KIRREL3: variants seen among roughly 807,000 people sequenced by gnomAD.
KIRREL3 encodes the protein kirre like nephrin family adhesion molecule 3, also known as kin of IRRE-like protein 3.
A neutral mutation model predicts 89.7 loss-of-function variants in KIRREL3; 36 were observed. The ratio of observed to expected loss-of-function variants is 0.40; its 90% CI spans 0.31 to 0.53. The LOEUF is 0.53. Among genes scored for constraint, KIRREL3 ranks in the 20% least tolerant of loss-of-function variants. KIRREL3 has a pLI of 0.49. For missense variants in KIRREL3, 864 were observed against 1,056.6 expected, an observed-to-expected ratio of 0.82 and a Z score of 2.53; for synonymous variants, 445 against 441.4, an observed-to-expected ratio of 1.01 and a Z score of -0.10.
At position 126,763,468 on chromosome 11, in the gene KIRREL3, AG is replaced by A. The variant is rs1366130602; in HGVS notation, c.56-200557del. 6.6e-6 allele frequency among the ~76,000 whole-genome samples: 1 copy of A among 152,140 alleles called. No individual in the cohort carries two copies. Among genetic ancestry groups the A allele is most frequent in the Non-Finnish European group, 1.5e-5 (1 of 68,008 alleles). ...ATGCAGTGGGTGGGAGGTGTTAAAA[AG>A]GGGACTGATGGTGGGGTCCTTCTTT... On this transcript the variant is annotated intron_variant, in intron 1 of 16. Transcript: ENST00000525144. This position sits in a 1 kb window ranked among gnomAD's most constrained non-coding sequence, Gnocchi z 4.7.
At chr11:126,933,178 T>G (rs1350847984) in intron 1 of KIRREL3, among the ~76,000 whole-genome samples, 1 of 152,178 alleles carries the variant, frequency 6.6e-6, no homozygotes, top group East Asian at 1.9e-4. Context: ...GGAAAAATGC[T>G]GTGCAATTCA....
At chr11:126,966,440 A>G (rs1352770303) in intron 1 of KIRREL3, among the ~76,000 whole-genome samples, 1 of 152,170 alleles carries the variant, frequency 6.6e-6, no homozygotes, top group Non-Finnish European at 1.5e-5. Context: ...TGCACCACTC[A>G]AGCTGTCAGT....
At chr11:126,839,515 C>A (rs1339667238) in intron 1 of KIRREL3, among the ~76,000 whole-genome samples, 1 of 152,110 alleles carries the variant, frequency 6.6e-6, no homozygotes, top group Non-Finnish European at 1.5e-5. Flanking sequence ...GACTCCTGAT[C>A]AGGGAGGAGA....
intron 4 of KIRREL3, among the ~76,000 whole-genome samples, chr11:126,499,737 T>C (rs1486440993): frequency 6.6e-6 from 1 of 152,252 alleles, no homozygotes; most frequent in Admixed American, 6.5e-5. Context: ...CTACCCATTC[T>C]ACCAAGGGAG....
chr11:126,985,655 T>C lies in KIRREL3; in HGVS notation c.55+14800A>G, dbSNP rs1949844968. 6.6e-6 allele frequency among the ~76,000 whole-genome samples: 1 copy of C among 151,942 alleles called. No individual in the cohort carries two copies. Among genetic ancestry groups the C allele is most frequent in the African/African-American group, 2.4e-5 (1 of 41,362 alleles). On this transcript the variant is annotated intron_variant, in intron 1 of 16. Coordinates refer to ENST00000525144, the MANE Select transcript of KIRREL3 (RefSeq NM_032531.4). This position sits in a 1 kb window ranked among gnomAD's most constrained non-coding sequence, Gnocchi z 5.3. ...CATTCGGACAATGTCAGCGGCTCCGTGTGTTGGAGTAAAGGGGCATATGAG... is the reference window on the plus strand; with the variant it reads ...CATTCGGACAATGTCAGCGGCTCCGCGTGTTGGAGTAAAGGGGCATATGAG...
At chr11:126,913,622 G>T (rs532395648) in intron 1 of KIRREL3, among the ~76,000 whole-genome samples, 2 of 152,298 alleles carry the variant, frequency 1.3e-5, no homozygotes, top group South Asian at 4.1e-4. Flanking sequence ...TTCATCAAGC[G>T]GTACCTAACT....
At chr11:126,464,014 T>A (rs968641615) in intron 5 of KIRREL3, among the ~76,000 whole-genome samples, 3 of 152,146 alleles carry the variant, frequency 2.0e-5, no homozygotes. Flanking sequence ...GGTCCTGAAA[T>A]AAGTACTAGT....
In KIRREL3 at chr11:126,563,594, G is replaced by T. The variant is rs1212724457; in HGVS notation, c.56-682C>A. On this transcript the variant is annotated intron_variant, in intron 1 of 16. Coordinates refer to ENST00000525144, the MANE Select transcript of KIRREL3 (RefSeq NM_032531.4). The surrounding 1 kb of genome is among the most constrained non-coding windows in gnomAD (Gnocchi z 6.8). ...TGAAATGTAGACTTAGAGCACAGGG[G>T]TCGAGATAGCTGAGAGACACGGACT... Among the ~76,000 whole-genome samples, 1 of 152,208 alleles carries T rather than the reference G, an allele frequency of 6.6e-6. No homozygotes were observed. Among genetic ancestry groups the T allele is most frequent in the Non-Finnish European group, 1.5e-5 (1 of 68,044 alleles).
rs557920395 is a variant in KIRREL3, at chr11:126,845,294, A to G, written c.55+155161T>C. On this transcript the variant is annotated intron_variant, in intron 1 of 16. Coordinates refer to ENST00000525144, the MANE Select transcript of KIRREL3 (RefSeq NM_032531.4). ...GGGAAAGGGAACCCAGAAGCCTGGC[A>G]TGCTGGCAAAAGGGTAAGAACTTCT... is the stretch of plus-strand genomic sequence containing the variant. 3.9e-5 allele frequency among the ~76,000 whole-genome samples: 6 copies of G among 152,316 alleles called. No homozygotes were observed. In the South Asian group the frequency reaches 6.2e-4, roughly 16 times the overall value.
intron 7 of KIRREL3, 49 bp from the exon 8 acceptor site, chr11:126,449,206 C>T (rs1192260945): frequency 1.2e-6 from 2 of 1,603,204 alleles, no homozygotes; most frequent in South Asian, 1.1e-5. Context: ...GCAAGGCCAA[C>T]CCTCCGGGAG....
chr11:126,450,304 T>A (rs982713544), intron 7 of KIRREL3, among the ~76,000 whole-genome samples: 1 of 151,420 alleles, frequency 6.6e-6, no homozygotes, highest in Non-Finnish European at 1.5e-5. Context: ...CATGTGTGAG[T>A]GTGCCCATGT....
chr11:126,581,577 A>G lies in KIRREL3; in HGVS notation c.56-18665T>C, dbSNP rs144043076. On this transcript the variant is annotated intron_variant, in intron 1 of 16. Coordinates refer to ENST00000525144, the MANE Select transcript of KIRREL3 (RefSeq NM_032531.4). ...TGTAGATCTATTTATGGTATACAAG[A>G]CATTTTGATAAAAGCATACATTGTG... Among the ~76,000 whole-genome samples the G allele has an allele frequency of 5.8e-3, 889 of 152,292 alleles. 5 individuals carry two copies. Among genetic ancestry groups the G allele is most frequent in the African/African-American group, 0.02 (845 of 41,558 alleles).
At position 126,569,508 on chromosome 11, in the gene KIRREL3, T is replaced by C. The variant is rs1565558806; in HGVS notation, c.56-6596A>G. The stretch of plus-strand genomic sequence containing the variant: ...AAAGAGGCCACTAAGTGCTGGGCAC[T>C]ATGTGCAAGAGAAAAAAATAGTAGG... On this transcript the variant is annotated intron_variant, in intron 1 of 16. Transcript: ENST00000525144. The surrounding 1 kb of genome is among the most constrained non-coding windows in gnomAD (Gnocchi z 6.5). Among the ~76,000 whole-genome samples the C allele has an allele frequency of 6.6e-6, 1 of 152,152 alleles. No homozygotes were observed. Among genetic ancestry groups the C allele is most frequent in the African/African-American group, 2.4e-5 (1 of 41,420 alleles).
Position 126,797,901 on chromosome 11 carries a change from T to A in KIRREL3, c.55+202554A>T, listed in dbSNP as rs948447316. Among the ~76,000 whole-genome samples, 6 of 152,202 alleles carry A rather than the reference T, an allele frequency of 3.9e-5. No individual in the cohort carries two copies. Among genetic ancestry groups the A allele is most frequent in the Non-Finnish European group, 5.9e-5 (4 of 68,038 alleles). ...ACTTGCTCAAAATGATTCATCTGCA[T>A]GTACATGCTGATCCTGAGGGCCTAT... On this transcript the variant is annotated intron_variant, in intron 1 of 16. Transcript: ENST00000525144. This position sits in a 1 kb window ranked among gnomAD's most constrained non-coding sequence, Gnocchi z 4.9.
chr11:126,923,205 T>TTC (rs1565423450), intron 1 of KIRREL3, among the ~76,000 whole-genome samples: 165 of 10,906 alleles, frequency 0.015, 32 homozygotes, highest in African/African-American at 0.019. Flanking sequence ...CTTCTTCTTC[T>TTC]TCTTCTTCTT....
In KIRREL3 at chr11:126,425,717, C is replaced by T. The variant is rs752613398; in HGVS notation, c.1814G>A (p.Arg605Gln). The T allele has an allele frequency of 1.6e-5, 26 of 1,594,134 alleles. No homozygotes were observed. The Admixed American group carries it at 3.5e-4, about 21-fold the overall frequency. Residue 605 changes from arginine (R) to glutamine (Q), a missense_variant, in exon 16 of 17, where the codon CGG becomes CAG. Arg to Gln is a conservative substitution (Grantham distance 43, BLOSUM62 1). Transcript: ENST00000525144. Reference protein sequence around the residue: ...HSTIKQLMMDRGEFQQDSVLK... With the variant: ...HSTIKQLMMDQGEFQQDSVLK... Reference sequence around the variant, plus strand: ...GACTGAGTCTTGCTGGAATTCACCCCGGTCCATCTGCAACCCAAAAAAGGC... The same window carrying T: ...GACTGAGTCTTGCTGGAATTCACCCTGGTCCATCTGCAACCCAAAAAAGGC...
In KIRREL3 at chr11:126,747,671, C is replaced by G. The variant is rs144798331; in HGVS notation, c.56-184759G>C. ...CCCTTGAGTTCCTTGAGACTAGAAACGGTTTTATTTATTTTGGAATCTCAA... is the reference window on the plus strand; with the variant it reads ...CCCTTGAGTTCCTTGAGACTAGAAAGGGTTTTATTTATTTTGGAATCTCAA... On this transcript the variant is annotated intron_variant, in intron 1 of 16. Coordinates refer to ENST00000525144, the MANE Select transcript of KIRREL3 (RefSeq NM_032531.4). This position sits in a 1 kb window ranked among gnomAD's most constrained non-coding sequence, Gnocchi z 4.7. Among the ~76,000 whole-genome samples, 1 of 152,046 alleles carries G rather than the reference C, an allele frequency of 6.6e-6. No homozygotes were observed. Among genetic ancestry groups the G allele is most frequent in the Non-Finnish European group, 1.5e-5 (1 of 68,012 alleles).
At chr11:126,968,080 G>T (rs1414001617) in intron 1 of KIRREL3, among the ~76,000 whole-genome samples, 1 of 152,178 alleles carries the variant, frequency 6.6e-6, no homozygotes, top group Admixed American at 6.5e-5. Context: ...GGGATACTCA[G>T]AAAAAAGTTA....
chr11:126,560,894 G>A (rs1940071477), intron 2 of KIRREL3, among the ~76,000 whole-genome samples: 1 of 152,112 alleles, frequency 6.6e-6, no homozygotes, highest in Non-Finnish European at 1.5e-5. Flanking sequence ...TGTGTAGCAT[G>A]GACAGAGATT....
Sources: allele counts gnomAD v4.1 joint callset (sites outside exome capture counted in the v4.1 genomes callset), GRCh38; gene constraint gnomAD v4.1.1; non-coding constraint Gnocchi (gnomAD v3.1); transcripts MANE v1.5; gene names NCBI Gene and HGNC (gene_info 2026-07-23, HGNC 2026-07-21).